The following NTN4 variants were observed in gnomAD, a reference collection of about 807,000 sequenced individuals.
The protein encoded by NTN4 is netrin 4.
Under a neutral mutation model 73.6 loss-of-function variants are expected in NTN4, and 32 were observed. The observed-to-expected ratio is 0.44, with a 90% CI of 0.33 to 0.58. The LOEUF (loss-of-function observed/expected upper bound fraction) is 0.58, where lower values mean the gene tolerates loss of function less well. NTN4 is among the 20% of genes least tolerant of loss of function. The pLI, the probability that NTN4 is intolerant of heterozygous loss-of-function variation, is 0.04. For synonymous variants in NTN4, 258 were observed against 287.5 expected, an observed-to-expected ratio of 0.90 and a Z score of 1.04; for missense variants, 654 against 798.3, an observed-to-expected ratio of 0.82 and a Z score of 2.18.
chr12:95,682,143 G>T (rs1452864428), intron 7 of NTN4, among the ~76,000 whole-genome samples: 1 of 130,282 alleles, frequency 7.7e-6, no homozygotes, highest in Non-Finnish European at 1.5e-5. Context: ...GCTCACTGTA[G>T]CCTTGACCGC....
rs186099491 is a variant in NTN4 at position 95,683,730 on chromosome 12, G to A, written c.1181-19C>T. ...GAACACGCTACAACAGAGAGGACACGCAAGGATCAAAGACTGACTGTAGAT... is the reference window on the plus strand; with the variant it reads ...GAACACGCTACAACAGAGAGGACACACAAGGATCAAAGACTGACTGTAGAT... On this transcript the variant is annotated intron_variant, in intron 5 of 9. Coordinates refer to ENST00000343702, the MANE Select transcript of NTN4 (RefSeq NM_021229.4). The A allele has an allele frequency of 2.5e-5, 40 of 1,569,170 alleles. No homozygotes were observed. In the South Asian group the frequency reaches 2.9e-4, roughly 11 times the overall value.
intron 3 of NTN4, 150 bp downstream of exon 3, chr12:95,737,716 A>G (rs984272031): frequency 1.5e-6 from 1 of 681,816 alleles, no homozygotes; most frequent in African/African-American, 1.8e-5. Context: ...AGACAAGTTA[A>G]CAGGCACTTT....
Position 95,790,221 on chromosome 12 carries a change from G to A in NTN4, c.55+34C>T. 6.6e-7 allele frequency: 1 copy of A among 1,517,240 alleles called. No individual in the cohort carries two copies. The highest frequency in any genetic ancestry group is 2.1e-5 in the Admixed American group (1 of 48,376). 94.0% of individuals were successfully genotyped at this position (1,517,240 alleles called of 1,614,324 possible). A position where few individuals can be genotyped will look rare whatever the true frequency, so the allele number is the denominator to read the frequency against. The stretch of plus-strand genomic sequence containing the variant: ...GAGATGGGTTAGAGAAGCAGCGAGG[G>A]AAGGGGTGGGGGCCCCGCCGCGTCA... On this transcript the variant is annotated intron_variant, in intron 1 of 9. Transcript: ENST00000343702. The surrounding 1 kb of genome is among the most constrained non-coding windows in gnomAD (Gnocchi z 6.5).
At chr12:95,770,227 T>C (rs1476543056) in intron 2 of NTN4, among the ~76,000 whole-genome samples, 2 of 152,120 alleles carry the variant, frequency 1.3e-5, no homozygotes, top group African/African-American at 4.8e-5. Context: ...AAAGGTGGGA[T>C]GTAGGGGCAG....
chr12:95,755,738 A>G (rs1177472894), intron 2 of NTN4, among the ~76,000 whole-genome samples: 1 of 152,248 alleles, frequency 6.6e-6, no homozygotes, highest in Non-Finnish European at 1.5e-5. Flanking sequence ...TAAGTACACA[A>G]AAGCCTCTTT....
chr12:95,688,349 C>T (rs889333265), intron 5 of NTN4, among the ~76,000 whole-genome samples: 6 of 151,898 alleles, frequency 4.0e-5, no homozygotes, highest in Middle Eastern at 3.2e-3. Flanking sequence ...AAATAGAAGT[C>T]GGGGAAGATT....
intron 2 of NTN4, among the ~76,000 whole-genome samples, chr12:95,777,931 T>G (rs2079105885): frequency 6.6e-6 from 1 of 151,854 alleles, no homozygotes; most frequent in Non-Finnish European, 1.5e-5. Flanking sequence ...CCTCAGCAAA[T>G]GTAAAAGAAC....
chr12:95,754,228 A>G (rs549606919), intron 2 of NTN4, among the ~76,000 whole-genome samples: 58 of 150,230 alleles, frequency 3.9e-4, no homozygotes, highest in African/African-American at 1.3e-3. Flanking sequence ...CAATCATTCT[A>G]TAAGACAAAT....
rs374873626 is a variant in NTN4 at position 95,787,226 on chromosome 12, G to A, written c.298C>T (p.Arg100Trp). ...LPSAMADSSF[R>W]FPRTWWQSAE... Reference sequence around the variant, plus strand: ...GACTGCCACCATGTGCGAGGAAACCGGAAGGATGAGTCTGCCATGGCAGAT... The same window carrying A: ...GACTGCCACCATGTGCGAGGAAACCAGAAGGATGAGTCTGCCATGGCAGAT... The change falls in exon 2 of 10, where the codon CGG (arginine) becomes TGG (tryptophan). Residue 100 changes from arginine to tryptophan, a missense_variant. Coordinates refer to ENST00000343702, the MANE Select transcript of NTN4 (RefSeq NM_021229.4). The A allele has an allele frequency of 3.8e-5, 62 of 1,614,080 alleles. No homozygotes were observed. The highest frequency in any genetic ancestry group is 5.3e-5 in the African/African-American group (4 of 74,914).
intron 5 of NTN4, among the ~76,000 whole-genome samples, chr12:95,704,224 C>A (rs2121064234): frequency 6.6e-6 from 1 of 152,242 alleles, no homozygotes; most frequent in Non-Finnish European, 1.5e-5. Context: ...TGCTTTTCTG[C>A]CTTGGTAAGC....
Position 95,781,736 on chromosome 12 carries a change from T to TA in NTN4, c.585+5202dup, listed in dbSNP as rs1020546928. Among the ~76,000 whole-genome samples, 6 of 152,094 alleles carry TA rather than the reference T, an allele frequency of 3.9e-5. No individual in the cohort carries two copies. Among genetic ancestry groups the TA allele is most frequent in the African/African-American group, 1.4e-4 (6 of 41,408 alleles). Reference sequence around the variant, plus strand: ...AATTGAATAAAAGTAATAATTAATTTAAAAAAATAGAAAAATAAAAATAGC... The same window carrying TA: ...AATTGAATAAAAGTAATAATTAATTTAAAAAAAATAGAAAAATAAAAATAGC... On this transcript the variant is annotated intron_variant, in intron 2 of 9. Transcript: ENST00000343702. The surrounding 1 kb of genome is among the most constrained non-coding windows in gnomAD (Gnocchi z 4.1).
At chr12:95,676,099 T>A (rs1450777568) in intron 7 of NTN4, among the ~76,000 whole-genome samples, 2 of 152,138 alleles carry the variant, frequency 1.3e-5, no homozygotes, top group African/African-American at 4.8e-5. Context: ...TAAACAAATA[T>A]TCTTTTTTGT....
At chr12:95,751,450 C>T (rs1273846018) in intron 2 of NTN4, among the ~76,000 whole-genome samples, 1 of 152,224 alleles carries the variant, frequency 6.6e-6, no homozygotes, top group Non-Finnish European at 1.5e-5. Context: ...GAGCTTGCTA[C>T]ATATGCTGGA....
intron 5 of NTN4, 27 bp downstream of exon 5, chr12:95,710,414 A>AT: frequency 6.3e-7 from 1 of 1,586,706 alleles, no homozygotes; most frequent in Non-Finnish European, 8.6e-7. Context: ...AAATCAGCCT[A>AT]TTTTCTGGAA....
In NTN4 at chr12:95,787,216, C is replaced by T. The variant is rs140037942; in HGVS notation, c.308G>A (p.Arg103His). ...AMADSSFRFP[R>H]TWWQSAEDVH... ...ATCCTCCGCAGACTGCCACCATGTG[C>T]GAGGAAACCGGAAGGATGAGTCTGC... Residue 103 changes from arginine to histidine, a missense_variant, in exon 2 of 10, where the codon CGC becomes CAC. By Grantham distance (29) the Arg-to-His change is conservative. Transcript: ENST00000343702. 852 of 1,614,114 alleles carry T rather than the reference C, an allele frequency of 5.3e-4. 2 individuals are homozygous for T. The highest frequency in any genetic ancestry group is 4.9e-4 in the Middle Eastern group (3 of 6,062).
At chr12:95,753,163 C>G (rs573130366) in intron 2 of NTN4, among the ~76,000 whole-genome samples, 101 of 152,304 alleles carry the variant, frequency 6.6e-4, no homozygotes, top group Non-Finnish European at 1.2e-3. Flanking sequence ...TCCACCAGGC[C>G]TAATTGCCAC....
At chr12:95,667,578 G>C (rs1320171877) in intron 8 of NTN4, among the ~76,000 whole-genome samples, 1 of 152,122 alleles carries the variant, frequency 6.6e-6, no homozygotes, top group African/African-American at 2.4e-5. Flanking sequence ...ATTAAGGCCA[G>C]GTGCAGGGAC....
intron 2 of NTN4, among the ~76,000 whole-genome samples, chr12:95,771,818 T>G (rs924133598): frequency 6.6e-6 from 1 of 152,086 alleles, no homozygotes; most frequent in Non-Finnish European, 1.5e-5. Context: ...TATTGCTCCC[T>G]CTCCCTTTTC....
chr12:95,681,298 A>G (rs953619429), intron 7 of NTN4, among the ~76,000 whole-genome samples: 1 of 152,022 alleles, frequency 6.6e-6, no homozygotes, highest in Non-Finnish European at 1.5e-5. Context: ...CACCAAGTTC[A>G]CCATTGTGGT....
Sources: gnomAD v4.1 joint callset for allele counts (sites outside exome capture counted in the v4.1 genomes callset) on GRCh38, gnomAD v4.1.1 for gene constraint, Gnocchi (gnomAD v3.1) non-coding constraint, MANE v1.5 for transcripts, NCBI Gene and HGNC (gene_info 2026-07-23, HGNC 2026-07-21) for gene names.